VWA8: variants seen among roughly 807,000 people sequenced by gnomAD.
VWA8 encodes the protein von Willebrand factor A domain containing 8, also known as von Willebrand factor A domain-containing protein 8.
In VWA8, 221 loss-of-function variants were observed where a neutral mutation model predicts 241.5. The ratio of observed to expected loss-of-function variants is 0.91; its 90% CI spans 0.82 to 1.02. The LOEUF (loss-of-function observed/expected upper bound fraction) is 1.02, where lower values mean the gene tolerates loss of function less well. Ranked by LOEUF, VWA8 falls within the 50% of genes least tolerant of loss-of-function variation. The probability of loss-of-function intolerance (pLI) is 0.00; values close to 1 mark genes in which losing one functional copy is unlikely to be tolerated. For missense variants in VWA8, 2,322 were observed against 2,328.7 expected (o/e 1.00, Z 0.06); for synonymous variants, 852 against 827.1 (o/e 1.03, Z -0.52).
chr13:41,699,236 G>A lies in VWA8; in HGVS notation c.3399C>T (p.Cys1133=). The change falls in exon 29 of 45, where the codon TGC becomes TGT. Residue 1133 remains cysteine (C), a synonymous_variant. Coordinates refer to ENST00000379310, the MANE Select transcript of VWA8 (RefSeq NM_015058.2). ...TCATAAAGTACAGGGAAGCGGGATT[G>A]CATGTAACTACATAGAGAGTATTTT... is the stretch of plus-strand genomic sequence containing the variant. ...NEQNTLYVVT[C]NPASLYFMNM... is the part of the protein sequence containing the mutation. The A allele has an allele frequency of 6.2e-7, 1 of 1,614,172 alleles. No homozygotes were observed. The highest frequency in any genetic ancestry group is 8.5e-7 in the Non-Finnish European group (1 of 1,180,020).
In VWA8 at chr13:41,891,605, A is replaced by C; in HGVS notation, c.484-18T>G. Reference sequence around the variant, plus strand: ...ACTGCACACTATTTCCAAGAAACGTAAAAGCAAAATGAGAATACTGAAGTT... The same window carrying C: ...ACTGCACACTATTTCCAAGAAACGTCAAAGCAAAATGAGAATACTGAAGTT... On this transcript the variant is annotated intron_variant, in intron 4 of 44. Coordinates refer to ENST00000379310, the MANE Select transcript of VWA8 (RefSeq NM_015058.2). 1 of 1,613,342 alleles carries C rather than the reference A, an allele frequency of 6.2e-7. No individual in the cohort carries two copies. The highest frequency in any genetic ancestry group is 8.5e-7 in the Non-Finnish European group (1 of 1,179,744).
intron 2 of VWA8, among the ~76,000 whole-genome samples, chr13:41,914,414 T>C (rs1876158084): frequency 6.6e-6 from 1 of 152,218 alleles, no homozygotes; most frequent in Non-Finnish European, 1.5e-5. Flanking sequence ...TTAATCTTAT[T>C]TATAACTATC....
chr13:41,775,630 A>G (rs899947527), intron 20 of VWA8, among the ~76,000 whole-genome samples: 1 of 152,094 alleles, frequency 6.6e-6, no homozygotes, highest in African/African-American at 2.4e-5. Context: ...CCATCTACCT[A>G]TGGAGCTGTA....
intron 40 of VWA8, among the ~76,000 whole-genome samples, chr13:41,592,320 G>A (rs2044460739): frequency 8.2e-6 from 1 of 122,246 alleles, no homozygotes; most frequent in South Asian, 3.1e-4. Context: ...CTGTTGTGGG[G>A]TGGGGGGAGG....
intron 37 of VWA8, among the ~76,000 whole-genome samples, chr13:41,664,459 T>C (rs1272887238): frequency 6.6e-6 from 1 of 151,590 alleles, no homozygotes; most frequent in East Asian, 1.9e-4. Flanking sequence ...TATCTGGTTC[T>C]TTAGTTCAGT....
chr13:41,844,598 A>G (rs1320664333), intron 12 of VWA8, among the ~76,000 whole-genome samples: 1 of 152,058 alleles, frequency 6.6e-6, no homozygotes, highest in African/African-American at 2.4e-5. Flanking sequence ...AACCCCACAG[A>G]CTCCCTCAAA....
chr13:41,719,839 T>A (rs1451065856), intron 25 of VWA8, 97 bp from the exon 26 acceptor site: 1 of 1,171,028 alleles, frequency 8.5e-7, no homozygotes, highest in Non-Finnish European at 1.2e-6. Context: ...TCAAATGAAC[T>A]ACAGCAGAAA....
chr13:41,912,665 A>G (rs553862083), intron 2 of VWA8, among the ~76,000 whole-genome samples: 1 of 152,310 alleles, frequency 6.6e-6, no homozygotes, highest in African/African-American at 2.4e-5. Context: ...GCATACTACA[A>G]CTTAAGTTGG....
At chr13:41,661,998 A>T (rs2044953055) in intron 37 of VWA8, among the ~76,000 whole-genome samples, 1 of 152,156 alleles carries the variant, frequency 6.6e-6, no homozygotes, top group South Asian at 2.1e-4. Flanking sequence ...TGTTTCATTG[A>T]TTTAATTTTT....
intron 1 of VWA8, 52 bp downstream of exon 1, chr13:41,960,801 C>G (rs1157529450): frequency 6.8e-7 from 1 of 1,478,798 alleles, no homozygotes; most frequent in Non-Finnish European, 8.9e-7. Context: ...GCGCGGGGAC[C>G]CGGCACGGAG....
chr13:41,836,960 T>A (rs1011935223), intron 12 of VWA8, among the ~76,000 whole-genome samples: 1 of 152,192 alleles, frequency 6.6e-6, no homozygotes, highest in Admixed American at 6.5e-5. Flanking sequence ...TTAAATTTTA[T>A]CACCTAAACT....
rs544532182 is a variant in VWA8 at position 41,684,467 on chromosome 13, C to A, written c.4327+580G>T. Among the ~76,000 whole-genome samples the A allele has an allele frequency of 2.6e-5, 4 of 152,186 alleles. 1 individual carries two copies. The highest frequency in any genetic ancestry group is 9.6e-5 in the African/African-American group (4 of 41,532). ...GGGATTAGAAGATTGTGGTGCAAATCTGGGCACTGTTGTCCACTGGTGGGG... is the reference window on the plus strand; with the variant it reads ...GGGATTAGAAGATTGTGGTGCAAATATGGGCACTGTTGTCCACTGGTGGGG... On this transcript the variant is annotated intron_variant, in intron 35 of 44. Coordinates refer to ENST00000379310, the MANE Select transcript of VWA8 (RefSeq NM_015058.2).
chr13:41,713,673 T>C (rs1360114320), intron 26 of VWA8, among the ~76,000 whole-genome samples: 2 of 152,162 alleles, frequency 1.3e-5, no homozygotes, highest in African/African-American at 4.8e-5. Flanking sequence ...TTTATATGTC[T>C]GAAAAGGATG....
intron 37 of VWA8, among the ~76,000 whole-genome samples, chr13:41,623,102 C>T (rs182641454): frequency 1.5e-3 from 232 of 152,186 alleles, no homozygotes; most frequent in African/African-American, 5.5e-3. Flanking sequence ...GGAAGCCTTC[C>T]CAGGTAAAAG....
At chr13:41,902,102 A>C (rs1189949441) in intron 4 of VWA8, among the ~76,000 whole-genome samples, 1 of 151,558 alleles carries the variant, frequency 6.6e-6, no homozygotes. Flanking sequence ...GGTTATTTGT[A>C]CTAGTGAAAA....
chr13:41,658,874 G>A (rs2044929389), intron 37 of VWA8, among the ~76,000 whole-genome samples: 1 of 152,140 alleles, frequency 6.6e-6, no homozygotes. Flanking sequence ...AATATTACAT[G>A]GGAGAAGGCC....
chr13:41,734,006 T>C (rs1211192045), intron 21 of VWA8, among the ~76,000 whole-genome samples: 2 of 152,148 alleles, frequency 1.3e-5, no homozygotes, highest in Non-Finnish European at 2.9e-5. Context: ...CTCTAGTAAA[T>C]GTTGGGTCAG....
intron 37 of VWA8, among the ~76,000 whole-genome samples, chr13:41,619,240 G>A (rs990038355): frequency 6.6e-6 from 1 of 152,184 alleles, no homozygotes; most frequent in Non-Finnish European, 1.5e-5. Context: ...AATTGTGAAT[G>A]GGAGTTCACT....
At chr13:41,926,845 T>C (rs1876869150) in intron 2 of VWA8, 1 of 571,230 alleles carries the variant, frequency 1.8e-6, no homozygotes, top group Admixed American at 1.9e-5. Flanking sequence ...ACTTGCAAAC[T>C]TCTTAATGAT....
Sources: allele counts gnomAD v4.1 joint callset (sites outside exome capture counted in the v4.1 genomes callset), GRCh38; gene constraint gnomAD v4.1.1; transcripts MANE v1.5; gene names NCBI Gene and HGNC (gene_info 2026-07-23, HGNC 2026-07-21).